The following PCDHGA2 variants were observed in gnomAD, a reference collection of about 807,000 sequenced individuals.
The protein encoded by PCDHGA2 is protocadherin gamma-A2.
Under a neutral mutation model 59.2 loss-of-function variants are expected in PCDHGA2, and 40 were observed. The ratio of observed to expected loss-of-function variants is 0.68; its 90% CI spans 0.52 to 0.88. The LOEUF is 0.88. Ranked by LOEUF, PCDHGA2 falls within the 40% of genes least tolerant of loss-of-function variation. PCDHGA2 has a pLI of 0.00. For missense variants in PCDHGA2, 1,226 were observed against 1,204.0 expected (o/e 1.02, Z -0.27); for synonymous variants, 560 against 526.0 (o/e 1.06, Z -0.89).
At chr5:141,372,521 G>A (rs1768831766) in intron 1 of PCDHGA2, 1 of 1,614,014 alleles carries the variant, frequency 6.2e-7, no homozygotes, top group Non-Finnish European at 8.5e-7. Flanking sequence ...CGGTGATTCT[G>A]GCAATCTCCC....
At chr5:141,344,458 T>C (rs1434039304) in intron 1 of PCDHGA2, 5 of 1,613,864 alleles carry the variant, frequency 3.1e-6, no homozygotes, top group Non-Finnish European at 3.4e-6. Flanking sequence ...GAAATAAAAA[T>C]TGGTGAACTA....
rs373163257 is a variant in PCDHGA2 at position 141,383,286 on chromosome 5, C to A, written c.2424+41891C>A. 1 of 1,613,888 alleles carries A rather than the reference C, an allele frequency of 6.2e-7. No individual in the cohort carries two copies. The highest frequency in any genetic ancestry group is 8.5e-7 in the Non-Finnish European group (1 of 1,179,856). Reference sequence around the variant, plus strand: ...TGGAAATAATAGATATTAATGACAACGTTCCAAGATTCTTGACGGAAGAAA... The same window carrying A: ...TGGAAATAATAGATATTAATGACAAAGTTCCAAGATTCTTGACGGAAGAAA... On this transcript the variant is annotated intron_variant, in intron 1 of 3. Transcript: ENST00000394576.
intron 1 of PCDHGA2, among the ~76,000 whole-genome samples, chr5:141,438,587 C>CATAT (rs1372372472): frequency 2.7e-5 from 2 of 73,430 alleles, no homozygotes; most frequent in Non-Finnish European, 5.2e-5. Context: ...TACATACATA[C>CATAT]ATACATATAT....
intron 1 of PCDHGA2, among the ~76,000 whole-genome samples, chr5:141,484,092 G>A (rs1594371151): frequency 6.6e-6 from 1 of 152,102 alleles, no homozygotes; most frequent in African/African-American, 2.4e-5. Flanking sequence ...AATGGTCTTC[G>A]TTGGTAATTA....
In PCDHGA2 at chr5:141,491,958, A is replaced by C; in HGVS notation, c.2425-2849A>C. The C allele has an allele frequency of 2.0e-6, 2 of 999,758 alleles. No homozygotes were observed. Among genetic ancestry groups the C allele is most frequent in the Non-Finnish European group, 2.8e-6 (2 of 718,534 alleles). The allele number at this position is 999,758 out of a possible 1,614,324, so 61.9% of individuals were successfully genotyped here. The stretch of plus-strand genomic sequence containing the variant: ...ACCGACCCCCACCCCTACACTCAAA[A>C]AAGGCCGGGGCCTCCTTCGAGCTTC... On this transcript the variant is annotated intron_variant, in intron 1 of 3. Coordinates refer to ENST00000394576, the MANE Select transcript of PCDHGA2 (RefSeq NM_018915.4). The surrounding 1 kb of genome is among the most constrained non-coding windows in gnomAD (Gnocchi z 6.9).
At chr5:141,371,443 C>T in intron 1 of PCDHGA2, 1 of 1,613,978 alleles carries the variant, frequency 6.2e-7, no homozygotes, top group Non-Finnish European at 8.5e-7. Flanking sequence ...ATAACCCTGG[C>T]TTCTGAATCC....
At chr5:141,405,397 T>A (rs1383127737) in intron 1 of PCDHGA2, 3 of 1,591,464 alleles carry the variant, frequency 1.9e-6, no homozygotes, top group Admixed American at 1.8e-5. Context: ...TTTTTTTCTT[T>A]CTTTCTTTTC....
intron 1 of PCDHGA2, chr5:141,441,746 C>A: frequency 5.4e-6 from 2 of 371,314 alleles, no homozygotes; most frequent in East Asian, 9.8e-5. Flanking sequence ...TCGCGCTCGG[C>A]GTCAACGTGA....
intron 1 of PCDHGA2, chr5:141,372,687 T>G: frequency 6.2e-7 from 1 of 1,614,018 alleles, no homozygotes. Flanking sequence ...AAACACCGAG[T>G]TTAAATTTCT....
chr5:141,413,137 T>C, intron 1 of PCDHGA2: 1 of 1,550,612 alleles, frequency 6.4e-7, no homozygotes, highest in Non-Finnish European at 8.7e-7. Flanking sequence ...ACACAACGTG[T>C]CCAGTGAGGA....
intron 1 of PCDHGA2, chr5:141,399,545 C>T (rs978973236): frequency 6.2e-7 from 1 of 1,614,050 alleles, no homozygotes; most frequent in African/African-American, 1.3e-5. Flanking sequence ...GTCTGCGCCT[C>T]GGACCTGGAC....
intron 1 of PCDHGA2, among the ~76,000 whole-genome samples, chr5:141,442,736 A>C (rs2098340663): frequency 6.6e-6 from 1 of 152,226 alleles, no homozygotes; most frequent in African/African-American, 2.4e-5. Flanking sequence ...CCTGTAGGTA[A>C]GGAGCATGTT....
At chr5:141,344,178 G>C (rs1757380514) in intron 1 of PCDHGA2, 1 of 1,614,024 alleles carries the variant, frequency 6.2e-7, no homozygotes, top group African/African-American at 1.3e-5. Flanking sequence ...GGGCAACATC[G>C]CTAACGACCT....
intron 1 of PCDHGA2, among the ~76,000 whole-genome samples, chr5:141,443,297 A>G (rs1208893030): frequency 6.7e-6 from 1 of 148,196 alleles, no homozygotes; most frequent in East Asian, 2.0e-4. Context: ...CCTGGACAGC[A>G]TGGCAAAAAC....
chr5:141,371,177 A>G lies in PCDHGA2; in HGVS notation c.2424+29782A>G, dbSNP rs757223785. 48 of 1,613,920 alleles carry G rather than the reference A, an allele frequency of 3.0e-5. No homozygotes were observed. In the South Asian group the frequency reaches 4.9e-4, roughly 17 times the overall value. ...AGAACCTGCCCGCTGGCTCCTCCGT[A>G]TTAAAAGTGATGGCCATTGACATGG... On this transcript the variant is annotated intron_variant, in intron 1 of 3. Coordinates refer to ENST00000394576, the MANE Select transcript of PCDHGA2 (RefSeq NM_018915.4).
chr5:141,352,927 G>A (rs1759145126), intron 1 of PCDHGA2, among the ~76,000 whole-genome samples: 1 of 152,218 alleles, frequency 6.6e-6, no homozygotes, highest in African/African-American at 2.4e-5. Flanking sequence ...GGTGGAGATT[G>A]TAGTGAGCCA....
rs1591337394 is a variant in PCDHGA2, at chr5:141,434,573, C to A, written c.2425-60234C>A. 2.0e-5 allele frequency among the ~76,000 whole-genome samples: 3 copies of A among 152,336 alleles called. No individual in the cohort carries two copies. The South Asian group carries it at 6.2e-4, about 32-fold the overall frequency. On this transcript the variant is annotated intron_variant, in intron 1 of 3. Transcript: ENST00000394576. The stretch of plus-strand genomic sequence containing the variant: ...TCTGTGCCTTAAGGACATGCCCCTG[C>A]TGCAGATAACTACCTCAATCCATCC...
chr5:141,347,020 TTTCCTCC>T (rs1757845884), intron 1 of PCDHGA2, among the ~76,000 whole-genome samples: 2 of 151,876 alleles, frequency 1.3e-5, no homozygotes, highest in Admixed American at 6.6e-5. Flanking sequence ...TTCCTCTCTC[TTTCCTCC>T]TTCCTTCCTT....
chr5:141,489,247 C>T lies in PCDHGA2; in HGVS notation c.2425-5560C>T. 6.5e-7 allele frequency: 1 copy of T among 1,546,012 alleles called. No individual in the cohort carries two copies. The highest frequency in any genetic ancestry group is 8.7e-7 in the Non-Finnish European group (1 of 1,146,298). ...ACAAAGGGACTTCTGGGTCATGGGGCCCAAGACACTCCCACAGCTCGCTGG... is the reference window on the plus strand; with the variant it reads ...ACAAAGGGACTTCTGGGTCATGGGGTCCAAGACACTCCCACAGCTCGCTGG... On this transcript the variant is annotated intron_variant, in intron 1 of 3. Coordinates refer to ENST00000394576, the MANE Select transcript of PCDHGA2 (RefSeq NM_018915.4). This position sits in a 1 kb window ranked among gnomAD's most constrained non-coding sequence, Gnocchi z 4.5.
Sources: allele counts gnomAD v4.1 joint callset (sites outside exome capture counted in the v4.1 genomes callset), GRCh38; gene constraint gnomAD v4.1.1; non-coding constraint Gnocchi (gnomAD v3.1); transcripts MANE v1.5; gene names NCBI Gene and HGNC (gene_info 2026-07-23, HGNC 2026-07-21).